ANKRD30A: variants seen among roughly 807,000 people sequenced by gnomAD.
ANKRD30A encodes the protein ankyrin repeat domain-containing protein 30A.
A neutral mutation model predicts 166.3 loss-of-function variants in ANKRD30A; 170 were observed. The ratio of observed to expected loss-of-function variants is 1.02; its 90% CI spans 0.90 to 1.16. The LOEUF is 1.16. ANKRD30A is among the 50% of genes most tolerant of loss of function. The pLI, the probability that ANKRD30A is intolerant of heterozygous loss-of-function variation, is 0.00. For synonymous variants in ANKRD30A, 564 were observed against 508.9 expected (o/e 1.11, Z -1.46); for missense variants, 1,630 against 1,518.0 (o/e 1.07, Z -1.23).
intron 12 of ANKRD30A, among the ~76,000 whole-genome samples, chr10:37,153,304 G>A (rs112659840): frequency 0.01 from 1,560 of 152,324 alleles, 24 homozygotes; most frequent in African/African-American, 0.035. Context: ...ATATGCACGA[G>A]TGAATTTTTT....
chr10:37,209,849 C>T (rs1441743844), intron 31 of ANKRD30A, among the ~76,000 whole-genome samples: 1 of 152,008 alleles, frequency 6.6e-6, no homozygotes, highest in Non-Finnish European at 1.5e-5. Context: ...CTGACTAGAT[C>T]TTATTTTCCT....
the ANKRD30A span, among the ~76,000 whole-genome samples, chr10:37,249,003 A>G: frequency 1.3e-5 from 2 of 152,160 alleles, no homozygotes; most frequent in Non-Finnish European, 2.9e-5. Flanking sequence ...GACAGAGGTC[A>G]TTGCCCAGAT....
chr10:37,152,968 C>G (rs1164766496), intron 12 of ANKRD30A, among the ~76,000 whole-genome samples: 1 of 152,122 alleles, frequency 6.6e-6, no homozygotes, highest in African/African-American at 2.4e-5. Context: ...TTTTTTCTTA[C>G]TGCATTTACA....
intron 15 of ANKRD30A, among the ~76,000 whole-genome samples, chr10:37,159,134 G>T (rs752295752): frequency 2.8e-4 from 42 of 152,104 alleles, no homozygotes; most frequent in Non-Finnish European, 4.6e-4. Flanking sequence ...ATTTGGCCTT[G>T]GTGTCTTTTA....
intron 29 of ANKRD30A, among the ~76,000 whole-genome samples, chr10:37,199,183 A>T (rs1260332304): frequency 6.6e-6 from 1 of 152,082 alleles, no homozygotes; most frequent in Non-Finnish European, 1.5e-5. Flanking sequence ...ACATATACAT[A>T]CCCAAACCAC....
At position 37,162,611 on chromosome 10, in the gene ANKRD30A, T is replaced by A. The variant is rs761332477; in HGVS notation, c.1901-38T>A. 13 of 1,609,532 alleles carry A rather than the reference T, an allele frequency of 8.1e-6. No individual in the cohort carries two copies. In the Admixed American group the frequency reaches 1.0e-4, roughly 12 times the overall value. On this transcript the variant is annotated intron_variant, in intron 15 of 35. Coordinates refer to ENST00000361713, the MANE Select transcript of ANKRD30A (RefSeq NM_052997.3). The stretch of plus-strand genomic sequence containing the variant: ...TTCATTTGTGGTTGGCTTGTCATAT[T>A]TACATATGATTGATGATAAATCTCT...
Position 37,127,374 on chromosome 10 carries a change from T to C in ANKRD30A, c.221+1366T>C, listed in dbSNP as rs542721771. Among the ~76,000 whole-genome samples, 12 of 152,276 alleles carry C rather than the reference T, an allele frequency of 7.9e-5. No homozygotes were observed. The South Asian group carries it at 2.5e-3, about 32-fold the overall frequency. On this transcript the variant is annotated intron_variant, in intron 1 of 35. Coordinates refer to ENST00000361713, the MANE Select transcript of ANKRD30A (RefSeq NM_052997.3). Reference sequence around the variant, plus strand: ...ATGCCTATTTACACAGATACATTTTTATCTTGACAAAACCTTTTTAAGAAG... The same window carrying C: ...ATGCCTATTTACACAGATACATTTTCATCTTGACAAAACCTTTTTAAGAAG...
At position 37,125,826 on chromosome 10, in the gene ANKRD30A, G is replaced by A. The variant is rs986134887; in HGVS notation, c.39G>A (p.Pro13=). The A allele has an allele frequency of 4.4e-6, 4 of 914,932 alleles. No homozygotes were observed. Among genetic ancestry groups the A allele is most frequent in the African/African-American group, 3.3e-5 (2 of 60,224 alleles). 56.7% of individuals were successfully genotyped at this position (914,932 alleles called of 1,614,324 possible). Residue 13 remains proline, a synonymous_variant, in exon 1 of 36, where the codon CCG becomes CCA. Transcript: ENST00000361713. ...EISAAAVKVV[P]GPERPSPFSQ... is the part of the protein sequence containing the mutation. ...CTGCCGCCGCTGTCAAGGTCGTGCC[G>A]GGCCCGGAGCGCCCGAGCCCTTTCA...
At chr10:37,251,689 G>A in the ANKRD30A span, among the ~76,000 whole-genome samples, 6 of 152,186 alleles carry the variant, frequency 3.9e-5, no homozygotes, top group Non-Finnish European at 8.8e-5. Flanking sequence ...CATGGGCAAA[G>A]CAACATGATT....
intron 34 of ANKRD30A, among the ~76,000 whole-genome samples, chr10:37,231,203 T>C (rs1278056920): frequency 1.3e-5 from 2 of 151,932 alleles, no homozygotes; most frequent in Non-Finnish European, 2.9e-5. Flanking sequence ...TATTTCTACA[T>C]AGTGAAATAG....
At chr10:37,201,910 T>A (rs1841649382) in intron 31 of ANKRD30A, among the ~76,000 whole-genome samples, 1 of 152,072 alleles carries the variant, frequency 6.6e-6, no homozygotes, top group African/African-American at 2.4e-5. Flanking sequence ...ATGTATATAA[T>A]TTGTCATATA....
chr10:37,192,288 C>A (rs1226178928), intron 25 of ANKRD30A, among the ~76,000 whole-genome samples: 1 of 151,972 alleles, frequency 6.6e-6, no homozygotes, highest in African/African-American at 2.4e-5. Context: ...CAGAGATCCG[C>A]CCTCCTCGGC....
In ANKRD30A at chr10:37,125,876, ACTC is replaced by A; in HGVS notation, c.92_94del (p.Ser31del). 6.6e-7 allele frequency: 1 copy of A among 1,510,004 alleles called. No individual in the cohort carries two copies. Among genetic ancestry groups the A allele is most frequent in the Non-Finnish European group, 9.2e-7 (1 of 1,091,212 alleles). The allele number at this position is 1,510,004 out of a possible 1,614,324, so 93.5% of individuals were successfully genotyped here. A position where few individuals can be genotyped will look rare whatever the true frequency, so the allele number is the denominator to read the frequency against. On this transcript the variant is annotated inframe_deletion, in exon 1 of 36. Coordinates refer to ENST00000361713, the MANE Select transcript of ANKRD30A (RefSeq NM_052997.3). Reference sequence around the variant, plus strand: ...AGCCAGCTAGTCTATACCAGCAACGACTCCTACATCGTCCACTCTGGGGATCTT... The same window carrying A: ...AGCCAGCTAGTCTATACCAGCAACGACTACATCGTCCACTCTGGGGATCTT...
chr10:37,133,873 T>C, intron 4 of ANKRD30A, 43 bp from the exon 5 acceptor site: 1 of 1,602,266 alleles, frequency 6.2e-7, no homozygotes, highest in Non-Finnish European at 8.5e-7. Flanking sequence ...CATATTAAAT[T>C]GGTTCTGCTC....
chr10:37,183,470 C>G (rs1232628482), intron 24 of ANKRD30A, among the ~76,000 whole-genome samples: 1 of 146,842 alleles, frequency 6.8e-6, no homozygotes, highest in Non-Finnish European at 1.5e-5. Flanking sequence ...GAAATAATGT[C>G]TGAAGTTGCA....
downstream of ANKRD30A, among the ~76,000 whole-genome samples, chr10:37,236,718 G>A (rs956686203): frequency 6.6e-6 from 1 of 152,192 alleles, no homozygotes; most frequent in African/African-American, 2.4e-5. Context: ...CAAGAGGTTA[G>A]ATAGAAGTAT....
At position 37,141,723 on chromosome 10, in the gene ANKRD30A, A is replaced by T; in HGVS notation, c.826A>T (p.Thr276Ser). 1 of 1,611,904 alleles carries T rather than the reference A, an allele frequency of 6.2e-7. No homozygotes were observed. The highest frequency in any genetic ancestry group is 8.5e-7 in the Non-Finnish European group (1 of 1,179,832). The change falls in exon 7 of 36, where the codon ACA becomes TCA. Residue 276 changes from threonine (T) to serine (S), a missense_variant. By Grantham distance (58) the Thr-to-Ser change is moderately conservative (BLOSUM62 1). Transcript: ENST00000361713. ...KNHQNTNPEG[T>S]SAGTPDEAAP... The stretch of plus-strand genomic sequence containing the variant: ...CCAGATTGTGTGTTTGGCAGAAGGA[A>T]CATCTGCAGGAACACCTGATGAGGC...
At chr10:37,189,962 A>G (rs1181374571) in intron 25 of ANKRD30A, among the ~76,000 whole-genome samples, 1 of 151,888 alleles carries the variant, frequency 6.6e-6, no homozygotes, top group Admixed American at 6.6e-5. Flanking sequence ...AAATTTGGGA[A>G]GAATATAAAG....
In ANKRD30A at chr10:37,140,305, A is replaced by AAC. The variant is rs1353185881; in HGVS notation, c.821-1413_821-1412insAC. Among the ~76,000 whole-genome samples, 217 of 152,318 alleles carry AAC rather than the reference A, an allele frequency of 1.4e-3. 1 individual carries two copies. Among genetic ancestry groups the AAC allele is most frequent in the African/African-American group, 5.1e-3 (212 of 41,572 alleles). On this transcript the variant is annotated intron_variant, in intron 6 of 35. Coordinates refer to ENST00000361713, the MANE Select transcript of ANKRD30A (RefSeq NM_052997.3). Reference sequence around the variant, plus strand: ...ACTGTGTGACATAGTGACTCGTGTCACTAAAAAAGTAACTATCTTTAGAAT... The same window carrying AAC: ...ACTGTGTGACATAGTGACTCGTGTCAACCTAAAAAAGTAACTATCTTTAGAAT...
Sources: gnomAD v4.1 joint callset for allele counts (sites outside exome capture counted in the v4.1 genomes callset) on GRCh38, gnomAD v4.1.1 for gene constraint, MANE v1.5 for transcripts, NCBI Gene and HGNC (gene_info 2026-07-23, HGNC 2026-07-21) for gene names.